The following SGTA variants were observed in gnomAD, a reference collection of about 807,000 sequenced individuals.
SGTA encodes small glutamine rich tetratricopeptide repeat co-chaperone alpha.
Under a neutral mutation model 44.3 loss-of-function variants are expected in SGTA, and 22 were observed. That is an observed-to-expected ratio of 0.50 (90% confidence interval 0.36 to 0.71). The LOEUF (loss-of-function observed/expected upper bound fraction) is 0.71, where lower values mean the gene tolerates loss of function less well. Ranked by LOEUF, SGTA falls within the 30% of genes least tolerant of loss-of-function variation. The probability of loss-of-function intolerance (pLI) is 0.00; values close to 1 mark genes in which losing one functional copy is unlikely to be tolerated. For synonymous variants in SGTA, 174 were observed against 177.6 expected, an observed-to-expected ratio of 0.98 and a Z score of 0.16; for missense variants, 341 against 435.9, an observed-to-expected ratio of 0.78 and a Z score of 1.94.
intron 8 of SGTA, among the ~76,000 whole-genome samples, chr19:2,760,990 G>A (rs1021886901): frequency 3.3e-5 from 5 of 152,250 alleles, no homozygotes; most frequent in African/African-American, 1.2e-4. Flanking sequence ...CGTCCCTTTG[G>A]AAGCATGAGT....
chr19:2,760,934 G>A (rs1215023337), intron 8 of SGTA, among the ~76,000 whole-genome samples: 3 of 152,204 alleles, frequency 2.0e-5, no homozygotes, highest in Non-Finnish European at 2.9e-5. Flanking sequence ...TGTGTGTGGG[G>A]GATGGCTCTC....
intron 11 of SGTA, among the ~76,000 whole-genome samples, chr19:2,756,844 CAGTGAGAA>C (rs1281644804): frequency 1.3e-5 from 2 of 152,160 alleles, no homozygotes; most frequent in Non-Finnish European, 2.9e-5. Context: ...CACCTGCTCA[CAGTGAGAA>C]AAGGACAAAA....
At position 2,765,046 on chromosome 19, in the gene SGTA, G is replaced by C; in HGVS notation, c.392+140C>G. 1.6e-6 allele frequency: 1 copy of C among 628,286 alleles called. No homozygotes were observed. The highest frequency in any genetic ancestry group is 2.8e-6 in the Non-Finnish European group (1 of 352,452). The allele number at this position is 628,286 out of a possible 1,614,324, so 38.9% of individuals were successfully genotyped here. Reference sequence around the variant, plus strand: ...CCCCGTTGCTGGTCACCTGATGCTCGCTCCTGGTCTGAGACCACCGGTGAA... The same window carrying C: ...CCCCGTTGCTGGTCACCTGATGCTCCCTCCTGGTCTGAGACCACCGGTGAA... On this transcript the variant is annotated intron_variant, in intron 5 of 11. Coordinates refer to ENST00000221566, the MANE Select transcript of SGTA (RefSeq NM_003021.4). The surrounding 1 kb of genome is among the most constrained non-coding windows in gnomAD (Gnocchi z 5.5).
chr19:2,758,768 G>A (rs1370895264), intron 9 of SGTA, among the ~76,000 whole-genome samples: 2 of 152,202 alleles, frequency 1.3e-5, no homozygotes, highest in South Asian at 2.1e-4. Flanking sequence ...TCAGCACAGC[G>A]TGGTCCCTCC....
chr19:2,766,026 G>T (rs1035604907), intron 4 of SGTA, among the ~76,000 whole-genome samples: 1 of 152,160 alleles, frequency 6.6e-6, no homozygotes, highest in South Asian at 2.1e-4. Flanking sequence ...AGACCATCCT[G>T]GCCAACACAG....
At chr19:2,775,364 G>A (rs114062537) in intron 1 of SGTA, among the ~76,000 whole-genome samples, 2,180 of 152,232 alleles carry the variant, frequency 0.014, 41 homozygotes, top group African/African-American at 0.049. Context: ...AACCCACCCC[G>A]CGCCAGAGAC....
In SGTA at chr19:2,765,591, G is replaced by C. The variant is rs541439872; in HGVS notation, c.293-306C>G. Among the ~76,000 whole-genome samples the C allele has an allele frequency of 6.6e-6, 1 of 152,172 alleles. No homozygotes were observed. The highest frequency in any genetic ancestry group is 2.1e-4 in the South Asian group (1 of 4,814). The stretch of plus-strand genomic sequence containing the variant: ...TGCCTGGATGGCGACCCCGGGAGCA[G>C]AACAGTTAATACAGCTCACCGGCCC... On this transcript the variant is annotated intron_variant, in intron 4 of 11. Transcript: ENST00000221566. The surrounding 1 kb of genome is among the most constrained non-coding windows in gnomAD (Gnocchi z 5.5).
chr19:2,761,821 G>A lies in SGTA; in HGVS notation c.637-299C>T, dbSNP rs955680634. 4.2e-5 allele frequency among the ~76,000 whole-genome samples: 6 copies of A among 143,418 alleles called. No homozygotes were observed. The highest frequency in any genetic ancestry group is 6.9e-5 in the Admixed American group (1 of 14,562). The allele number at this position is 143,418 out of a possible 152,430, so 94.1% of individuals were successfully genotyped here. On this transcript the variant is annotated intron_variant, in intron 7 of 11. Transcript: ENST00000221566. The surrounding 1 kb of genome is among the most constrained non-coding windows in gnomAD (Gnocchi z 5.7). ...CGGGGACGGCACAGTCTATCATCCC[G>A]TGTTTATTCCCCGCACAGCGCGACC...
intron 1 of SGTA, among the ~76,000 whole-genome samples, chr19:2,780,639 T>C (rs1456578515): frequency 1.3e-5 from 2 of 152,222 alleles, no homozygotes; most frequent in Non-Finnish European, 2.9e-5. Flanking sequence ...TTTCTATCTC[T>C]TGACAGACCC....
chr19:2,771,422 C>CAA (rs796104240), intron 1 of SGTA, among the ~76,000 whole-genome samples: 1 of 144,704 alleles, frequency 6.9e-6, no homozygotes, highest in Admixed American at 6.9e-5. Context: ...GACTCCATGT[C>CAA]AAAAAAAAAA....
intron 1 of SGTA, 29 bp from the exon 2 acceptor site, chr19:2,769,120 GC>G (rs761466289): frequency 4.1e-6 from 6 of 1,451,392 alleles, no homozygotes; most frequent in Admixed American, 1.7e-5. Flanking sequence ...CCCCCATCAG[GC>G]CCCCTCACAC....
In SGTA at chr19:2,755,714, A is replaced by G; in HGVS notation, c.*226T>C. 1.0e-6 allele frequency: 1 copy of G among 985,544 alleles called. No homozygotes were observed. The highest frequency in any genetic ancestry group is 1.2e-6 in the Non-Finnish European group (1 of 830,006). 61.0% of individuals were successfully genotyped at this position (985,544 alleles called of 1,614,324 possible). On this transcript the variant is annotated 3_prime_UTR_variant, in exon 12 of 12. Transcript: ENST00000221566. This position sits in a 1 kb window ranked among gnomAD's most constrained non-coding sequence, Gnocchi z 5.2. ...GGGAGGTCGCTGCTGGTCTGTGCTC[A>G]GCTTGCTGGCTCTCGTTTCAAGAAG...
rs1389759994 is a variant in SGTA at position 2,755,931 on chromosome 19, CA to C, written c.*8del. ...GGGAAGGACGCGGTCACACCGGGAG[CA>C]GCTGGAAGGGGACAGACATGAAGGC... On this transcript the variant is annotated splice_region_variant and 3_prime_UTR_variant, in exon 12 of 12. Coordinates refer to ENST00000221566, the MANE Select transcript of SGTA (RefSeq NM_003021.4). This position sits in a 1 kb window ranked among gnomAD's most constrained non-coding sequence, Gnocchi z 5.2. 1.0e-6 allele frequency: 1 copy of C among 985,820 alleles called. No individual in the cohort carries two copies. Among genetic ancestry groups the C allele is most frequent in the African/African-American group, 1.7e-5 (1 of 57,232 alleles). The allele number at this position is 985,820 out of a possible 1,614,324, so 61.1% of individuals were successfully genotyped here.
At position 2,757,748 on chromosome 19, in the gene SGTA, A is replaced by T; in HGVS notation, c.772T>A (p.Leu258Met). Residue 258 changes from leucine (L) to methionine (M), a missense_variant, in exon 10 of 12, where the codon TTG becomes ATG. Physicochemically the swap from Leu to Met is conservative, Grantham distance 15. Transcript: ENST00000221566. Reference protein sequence around the residue: ...SGMISGGNNPLGTPGTSPSQN... With the variant: ...SGMISGGNNPMGTPGTSPSQN... ...GAGGGGCTGGTGCCGGGAGTTCCCA[A>T]GGGGTTGTTGCCACCCGAAATCATG... 6.2e-7 allele frequency: 1 copy of T among 1,604,502 alleles called. No homozygotes were observed. The highest frequency in any genetic ancestry group is 8.5e-7 in the Non-Finnish European group (1 of 1,176,062).
chr19:2,774,195 A>C (rs981847066), intron 1 of SGTA, among the ~76,000 whole-genome samples: 2 of 152,262 alleles, frequency 1.3e-5, no homozygotes, highest in Non-Finnish European at 2.9e-5. Flanking sequence ...CAGGCATCTC[A>C]GGACGCACCT....
At chr19:2,759,092 T>C (rs1179961168) in intron 9 of SGTA, among the ~76,000 whole-genome samples, 165 bp downstream of exon 9, 7 of 138,054 alleles carry the variant, frequency 5.1e-5, no homozygotes, top group Non-Finnish European at 9.0e-5. Flanking sequence ...GTGGTGACAG[T>C]TGCATGACAG....
At chr19:2,764,812 C>A (rs1260390237) in intron 5 of SGTA, among the ~76,000 whole-genome samples, 1 of 152,170 alleles carries the variant, frequency 6.6e-6, no homozygotes, top group East Asian at 1.9e-4. Context: ...GTGATCCCCC[C>A]CGCCTCAGCC....
chr19:2,758,891 C>T (rs908665282), intron 9 of SGTA, among the ~76,000 whole-genome samples: 7 of 152,196 alleles, frequency 4.6e-5, no homozygotes, highest in East Asian at 3.9e-4. Context: ...CCAAAGTTCA[C>T]GCAGTGTGTG....
chr19:2,774,152 G>C (rs1347126200), intron 1 of SGTA, among the ~76,000 whole-genome samples: 1 of 152,202 alleles, frequency 6.6e-6, no homozygotes, highest in Non-Finnish European at 1.5e-5. Context: ...CTGTCACCGC[G>C]GCCCCAGCAA....
Sources: gnomAD v4.1 joint callset for allele counts (sites outside exome capture counted in the v4.1 genomes callset) on GRCh38, gnomAD v4.1.1 for gene constraint, Gnocchi (gnomAD v3.1) non-coding constraint, MANE v1.5 for transcripts, NCBI Gene and HGNC (gene_info 2026-07-23, HGNC 2026-07-21) for gene names.